Variants in APBB2 observed in about 807,000 individuals in gnomAD.
APBB2 encodes amyloid beta precursor protein binding family B member 2, also known as Fe65-like 1.
Under a neutral mutation model 82.5 loss-of-function variants are expected in APBB2, and 38 were observed. That is an observed-to-expected ratio of 0.46 (90% CI 0.36 to 0.60). The LOEUF (loss-of-function observed/expected upper bound fraction) is 0.60, where lower values mean the gene tolerates loss of function less well. APBB2 is among the 20% of genes least tolerant of loss of function. The pLI is 0.00. For synonymous variants in APBB2, 341 were observed against 368.2 expected, an observed-to-expected ratio of 0.93 and a Z score of 0.85; for missense variants, 772 against 972.3, an observed-to-expected ratio of 0.79 and a Z score of 2.74.
At chr4:41,164,013 A>T (rs2154043349) in intron 1 of APBB2, among the ~76,000 whole-genome samples, 1 of 152,322 alleles carries the variant, frequency 6.6e-6, no homozygotes, top group East Asian at 1.9e-4. Context: ...AGGCTGGGGT[A>T]CCTTAAACAA....
At chr4:40,929,490 G>A (rs1004103832) in intron 10 of APBB2, among the ~76,000 whole-genome samples, 1 of 152,102 alleles carries the variant, frequency 6.6e-6, no homozygotes, top group Non-Finnish European at 1.5e-5. Flanking sequence ...TAGTAGAGAT[G>A]GGGTTTCACC....
At chr4:41,021,438 G>C (rs1337639892) in intron 5 of APBB2, among the ~76,000 whole-genome samples, 2 of 152,084 alleles carry the variant, frequency 1.3e-5, no homozygotes, top group Non-Finnish European at 1.5e-5. Flanking sequence ...GCACCAATCA[G>C]CACTCTGTAA....
chr4:41,036,115 A>T (rs1040515023), intron 4 of APBB2, among the ~76,000 whole-genome samples: 2 of 152,130 alleles, frequency 1.3e-5, no homozygotes, highest in Admixed American at 1.3e-4. Context: ...CTATGATTGC[A>T]CCATTGCATT....
chr4:41,195,058 G>T, intron 1 of APBB2, among the ~76,000 whole-genome samples: 1 of 152,070 alleles, frequency 6.6e-6, no homozygotes, highest in Non-Finnish European at 1.5e-5. Context: ...CCCTTTGCTA[G>T]CTCTTCCTCA....
At chr4:41,035,103 T>A (rs555038369) in intron 4 of APBB2, among the ~76,000 whole-genome samples, 100 of 152,318 alleles carry the variant, frequency 6.6e-4, no homozygotes, top group African/African-American at 2.3e-3. Context: ...TGCTCTTACG[T>A]GCACATTTCT....
At chr4:41,175,384 A>G (rs749888219) in intron 1 of APBB2, among the ~76,000 whole-genome samples, 22 of 152,346 alleles carry the variant, frequency 1.4e-4, no homozygotes, top group Non-Finnish European at 2.9e-4. Context: ...TACATTTATT[A>G]AAATGTAACT....
chr4:41,076,230 G>C (rs1256605632), intron 3 of APBB2, among the ~76,000 whole-genome samples: 1 of 152,244 alleles, frequency 6.6e-6, no homozygotes, highest in African/African-American at 2.4e-5. Context: ...CTTGAGGAAA[G>C]TGTAAGTTAA....
chr4:41,046,297 G>T (rs11933029), intron 4 of APBB2, among the ~76,000 whole-genome samples: 2 of 152,114 alleles, frequency 1.3e-5, no homozygotes, highest in Non-Finnish European at 2.9e-5. Flanking sequence ...TGTAGTGAGA[G>T]GAAGGAATTT....
chr4:40,921,710 G>A (rs1781305641), intron 10 of APBB2, among the ~76,000 whole-genome samples: 1 of 152,216 alleles, frequency 6.6e-6, no homozygotes, highest in Non-Finnish European at 1.5e-5. Flanking sequence ...GCTCTAGGTT[G>A]CAATCTCATC....
intron 4 of APBB2, among the ~76,000 whole-genome samples, chr4:41,048,331 A>C (rs1408042688): frequency 6.6e-6 from 1 of 152,186 alleles, no homozygotes; most frequent in African/African-American, 2.4e-5. Flanking sequence ...AAAAATATGA[A>C]ATCCAAAATA....
intron 4 of APBB2, among the ~76,000 whole-genome samples, chr4:41,040,920 G>A (rs1267198065): frequency 6.6e-6 from 1 of 151,634 alleles, no homozygotes; most frequent in African/African-American, 2.4e-5. Context: ...TCGCTCTGTC[G>A]CCCAGGCTGG....
At chr4:41,061,232 T>C (rs1351440130) in intron 4 of APBB2, among the ~76,000 whole-genome samples, 1 of 152,230 alleles carries the variant, frequency 6.6e-6, no homozygotes, top group Non-Finnish European at 1.5e-5. Context: ...AATGAACAAA[T>C]ATGCAATTTT....
intron 12 of APBB2, among the ~76,000 whole-genome samples, chr4:40,885,580 T>G (rs1769986481): frequency 6.6e-6 from 1 of 152,200 alleles, no homozygotes; most frequent in Non-Finnish European, 1.5e-5. Context: ...TCTTGGGGTT[T>G]GGATGGGTGA....
At chr4:40,934,376 G>A (rs1290282643) in intron 10 of APBB2, 80 bp downstream of exon 10, 3 of 1,406,818 alleles carry the variant, frequency 2.1e-6, no homozygotes, top group Non-Finnish European at 3.0e-6. Flanking sequence ...TTGATGGTTT[G>A]TAAAAACTGG....
intron 6 of APBB2, among the ~76,000 whole-genome samples, chr4:40,960,632 A>G (rs1451131567): frequency 6.6e-6 from 1 of 151,954 alleles, no homozygotes; most frequent in African/African-American, 2.4e-5. Flanking sequence ...TATTTTTAGT[A>G]GAGACGGGGT....
rs566537144 is a variant in APBB2 at position 40,950,440 on chromosome 4, A to T, written c.836-5367T>A. Reference sequence around the variant, plus strand: ...AAAACAGAATGAATTGGCCAGGCACAGTGGCTCATGCCTATAATCCCAGCA... The same window carrying T: ...AAAACAGAATGAATTGGCCAGGCACTGTGGCTCATGCCTATAATCCCAGCA... On this transcript the variant is annotated intron_variant, in intron 6 of 17. Transcript: ENST00000508593. Among the ~76,000 whole-genome samples the T allele has an allele frequency of 8.5e-5, 13 of 152,370 alleles. No individual in the cohort carries two copies. In the South Asian group the frequency reaches 2.7e-3, roughly 32 times the overall value.
intron 2 of APBB2, among the ~76,000 whole-genome samples, chr4:41,122,862 A>G (rs1381578299): frequency 6.6e-6 from 1 of 152,066 alleles, no homozygotes. Context: ...TGCCCTCCGA[A>G]ACCTGTCCCT....
At chr4:41,017,659 G>A (rs1810384652) in intron 5 of APBB2, among the ~76,000 whole-genome samples, 1 of 150,452 alleles carries the variant, frequency 6.6e-6, no homozygotes, top group Non-Finnish European at 1.5e-5. Context: ...CAATAAATGT[G>A]AGCTCCACTC....
At chr4:41,052,123 G>A (rs532257341) in intron 4 of APBB2, among the ~76,000 whole-genome samples, 10 of 152,084 alleles carry the variant, frequency 6.6e-5, no homozygotes, top group South Asian at 2.1e-4. Context: ...ATCCCAGCAC[G>A]TTTAGAGGCT....
Sources: allele counts gnomAD v4.1 joint callset (sites outside exome capture counted in the v4.1 genomes callset), GRCh38; gene constraint gnomAD v4.1.1; transcripts MANE v1.5; gene names NCBI Gene and HGNC (gene_info 2026-07-23, HGNC 2026-07-21).